IL13RA2: variants seen among roughly 807,000 people sequenced by gnomAD.
IL13RA2 encodes the protein interleukin-13 receptor subunit alpha-2.
Under a neutral mutation model 34.1 loss-of-function variants are expected in IL13RA2, and 25 were observed. The ratio of observed to expected loss-of-function variants is 0.73; its 90% CI spans 0.53 to 1.03. IL13RA2 has a LOEUF of 1.03. Ranked by LOEUF, IL13RA2 falls within the 50% of genes least tolerant of loss-of-function variation. The pLI, the probability that IL13RA2 is intolerant of heterozygous loss-of-function variation, is 0.00. For missense variants in IL13RA2, 297 were observed against 280.9 expected, an observed-to-expected ratio of 1.06 and a Z score of -0.41; for synonymous variants, 106 against 100.4, an observed-to-expected ratio of 1.06 and a Z score of -0.33.
intron 6 of IL13RA2, among the ~76,000 whole-genome samples, chrX:115,010,068 A>C (rs1227333657): frequency 8.9e-6 from 1 of 111,804 alleles, no homozygotes; most frequent in African/African-American, 3.2e-5. Context: ...ATGTTACATA[A>C]TAATCTCATT....
intron 8 of IL13RA2, among the ~76,000 whole-genome samples, chrX:115,007,067 G>A (rs1327630793): frequency 8.9e-6 from 1 of 111,834 alleles, no homozygotes; most frequent in Non-Finnish European, 1.9e-5. Context: ...TTCACTGAGG[G>A]TAGAGATTTC....
chrX:115,007,301 T>C (rs1165343527), intron 8 of IL13RA2, among the ~76,000 whole-genome samples: 1 of 112,155 alleles, frequency 8.9e-6, no homozygotes. Context: ...TCTATATCTA[T>C]GTACCTGAAA....
At chrX:115,007,884 T>G (rs782531112) in intron 8 of IL13RA2, 48 bp downstream of exon 8, 2 of 781,148 alleles carry the variant, frequency 2.6e-6, no homozygotes, top group Non-Finnish European at 3.8e-6. Flanking sequence ...AAAATTAATT[T>G]TGCTAGCAAA....
At chrX:115,015,572 A>T (rs1199279384) in intron 3 of IL13RA2, 98 bp downstream of exon 3, 8 of 741,742 alleles carry the variant, frequency 1.1e-5, no homozygotes, top group Non-Finnish European at 1.7e-5. Flanking sequence ...CCTAATTAGA[A>T]CTATTGAGAT....
At chrX:115,007,834 G>A in intron 8 of IL13RA2, 98 bp downstream of exon 8, 1 of 549,449 alleles carries the variant, frequency 1.8e-6, no homozygotes, top group African/African-American at 2.3e-5. Flanking sequence ...GACTATATGG[G>A]AAAGTCCTTC....
rs781981628 is a variant in IL13RA2, at chrX:115,008,024, C to T, written c.905G>A (p.Arg302Gln). Residue 302 changes from arginine (R) to glutamine (Q), a missense_variant, in exon 8 of 10, where the codon CGA becomes CAA. Physicochemically the swap from Arg to Gln is conservative, Grantham distance 43. Transcript: ENST00000243213. ...TYTLKTTNET[R>Q]QLCFVVRSKV... The stretch of plus-strand genomic sequence containing the variant: ...GCTTCTTACTACAAAGCATAATTGT[C>T]GGGTTTCATTTGTTGTTTTCAAGGT... 1.1e-4 allele frequency: 123 copies of T among 1,142,236 alleles called. No homozygotes were observed. The highest frequency in any genetic ancestry group is 3.6e-4 in the Admixed American group (16 of 45,002). 94.1% of individuals were successfully genotyped at this position (1,142,236 alleles called of 1,213,427 possible).
At chrX:115,012,941 A>G (rs2071712050) in intron 5 of IL13RA2, among the ~76,000 whole-genome samples, 1 of 111,633 alleles carries the variant, frequency 9.0e-6, no homozygotes, top group South Asian at 3.8e-4. Flanking sequence ...ATGCAAACAA[A>G]GGTATAAAAG....
rs2071675080 is a variant in IL13RA2 at position 115,003,984 on chromosome X, C to T, written c.*96G>A. 3.2e-5 allele frequency: 17 copies of T among 525,379 alleles called. No homozygotes were observed. In the South Asian group the frequency reaches 4.7e-4, roughly 15 times the overall value. The allele number at this position is 525,379 out of a possible 1,213,427, so 43.3% of individuals were successfully genotyped here. On this transcript the variant is annotated 3_prime_UTR_variant, in exon 10 of 10. Coordinates refer to ENST00000243213, the MANE Select transcript of IL13RA2 (RefSeq NM_000640.3). Reference sequence around the variant, plus strand: ...TTAAAAATAAGACGTATTCAACATTCGCAAGAAAAATTCAGTTTATTGAGA... The same window carrying T: ...TTAAAAATAAGACGTATTCAACATTTGCAAGAAAAATTCAGTTTATTGAGA...
chrX:115,009,650 T>A lies in IL13RA2; in HGVS notation c.723A>T (p.Pro241=). ...TCTCCCGAGTAAAAGTAAGATAGAC[T>A]GGCGGCAAAGGTTTAACTGAAAAGC... ...QLQNIVKPLP[P]VYLTFTRESS... Residue 241 remains proline, a synonymous_variant, in exon 7 of 10, where the codon CCA becomes CCT. Coordinates refer to ENST00000243213, the MANE Select transcript of IL13RA2 (RefSeq NM_000640.3). 1 of 1,208,522 alleles carries A rather than the reference T, an allele frequency of 8.3e-7. No homozygotes were observed. The highest frequency in any genetic ancestry group is 1.1e-6 in the Non-Finnish European group (1 of 892,850).
At chrX:115,013,695 A>G (rs2071715152) in intron 5 of IL13RA2, 74 bp downstream of exon 5, 4 of 546,179 alleles carry the variant, frequency 7.3e-6, no homozygotes, top group Non-Finnish European at 1.2e-5. Flanking sequence ...TAGTGAAAAT[A>G]TAGTTTACTC....
In IL13RA2 at chrX:115,005,236, G is replaced by C; in HGVS notation, c.1077C>G (p.Thr359=). The C allele has an allele frequency of 8.9e-7, 1 of 1,129,650 alleles. No homozygotes were observed. Among genetic ancestry groups the C allele is most frequent in the Non-Finnish European group, 1.2e-6 (1 of 820,858 alleles). The allele number at this position is 1,129,650 out of a possible 1,213,427, so 93.1% of individuals were successfully genotyped here. Residue 359 remains threonine (T), a synonymous_variant, in exon 9 of 10, where the codon ACC becomes ACG. Transcript: ENST00000243213. ...GFILILVIFV[T]GLLLRKPNTY... is the part of the protein sequence containing the mutation. ...TGTTTGGCTTACGCAAAAGCAGACC[G>C]GTTACAAATATAACTAATATTAAGA...
chrX:115,015,533 A>G, intron 3 of IL13RA2, 137 bp downstream of exon 3: 2 of 514,264 alleles, frequency 3.9e-6, no homozygotes, highest in South Asian at 3.0e-5. Flanking sequence ...TGCATAGGAG[A>G]CAGAAGCGGG....
intron 5 of IL13RA2, among the ~76,000 whole-genome samples, 174 bp from the exon 6 acceptor site, chrX:115,011,002 A>T (rs17095046): frequency 0.068 from 7,572 of 111,641 alleles, 682 homozygotes; most frequent in African/African-American, 0.23. Flanking sequence ...ATAGGGAAAA[A>T]ACAGTAGGGA....
intron 5 of IL13RA2, among the ~76,000 whole-genome samples, chrX:115,013,466 G>A (rs1556509063): frequency 9.0e-6 from 1 of 111,118 alleles, no homozygotes; most frequent in Non-Finnish European, 1.9e-5. Flanking sequence ...AAAAAAACAA[G>A]AATATAAAAT....
chrX:115,017,026 G>A lies in IL13RA2; in HGVS notation c.94+150C>T, dbSNP rs782767092. 8 of 419,160 alleles carry A rather than the reference G, an allele frequency of 1.9e-5. No homozygotes were observed. The South Asian group carries it at 2.9e-4, about 15-fold the overall frequency. 34.5% of individuals were successfully genotyped at this position (419,160 alleles called of 1,213,427 possible). On this transcript the variant is annotated intron_variant, in intron 2 of 9. Transcript: ENST00000243213. ...TAGTAAGAACATAGCTTTTTTTCAT[G>A]AACTTCCTGAAATAGTTTCAATAAC...
Position 115,009,507 on chromosome X carries a change from T to C in IL13RA2, c.852+14A>G, listed in dbSNP as rs371890254. ...TGTAGTTATGATTTTCCCAAATAAA[T>C]GCAATATTCATACCACCAAGGTAGT... On this transcript the variant is annotated intron_variant, in intron 7 of 9. Coordinates refer to ENST00000243213, the MANE Select transcript of IL13RA2 (RefSeq NM_000640.3). 2 of 1,169,743 alleles carry C rather than the reference T, an allele frequency of 1.7e-6. No homozygotes were observed. Among genetic ancestry groups the C allele is most frequent in the African/African-American group, 3.5e-5 (2 of 56,392 alleles).
intron 9 of IL13RA2, 102 bp downstream of exon 9, chrX:115,005,095 G>A (rs782262370): frequency 2.0e-4 from 104 of 513,095 alleles, no homozygotes; most frequent in South Asian, 4.0e-4. Flanking sequence ...CACCCACAGC[G>A]AACAAGCAAA....
intron 9 of IL13RA2, 151 bp downstream of exon 9, chrX:115,005,046 T>C (rs960307325): frequency 9.8e-6 from 4 of 408,761 alleles, no homozygotes; most frequent in Non-Finnish European, 1.3e-5. Context: ...TGCTGTATTT[T>C]CTGAAGATAA....
intron 5 of IL13RA2, among the ~76,000 whole-genome samples, chrX:115,012,254 A>T (rs908155258): frequency 8.9e-6 from 1 of 112,070 alleles, no homozygotes; most frequent in African/African-American, 3.2e-5. Context: ...TTGGATAATT[A>T]CCTATCAGTT....
Sources: allele counts gnomAD v4.1 joint callset (sites outside exome capture counted in the v4.1 genomes callset), GRCh38; gene constraint gnomAD v4.1.1; transcripts MANE v1.5; gene names NCBI Gene and HGNC (gene_info 2026-07-23, HGNC 2026-07-21).